PCDHGA1: variants seen among roughly 807,000 people sequenced by gnomAD.
PCDHGA1 encodes the protein protocadherin gamma subfamily A, 1, also known as protocadherin gamma-A1.
PCDHGA1 carries 32 observed loss-of-function variants against 58.0 expected under a neutral mutation model. That is an observed-to-expected ratio of 0.55 (90% CI 0.42 to 0.74). The LOEUF is 0.74. PCDHGA1 is among the 30% of genes least tolerant of loss of function. The pLI is 0.00. For synonymous variants in PCDHGA1, 498 were observed against 501.1 expected, an observed-to-expected ratio of 0.99 and a Z score of 0.08; for missense variants, 1,205 against 1,182.3, an observed-to-expected ratio of 1.02 and a Z score of -0.28.
chr5:141,404,880 T>C, intron 1 of PCDHGA1: 2 of 1,613,896 alleles, frequency 1.2e-6, no homozygotes, highest in Non-Finnish European at 8.5e-7. Flanking sequence ...CAGAGCCTTG[T>C]GGTGGCTGTA....
Position 141,491,456 on chromosome 5 carries a change from C to A in PCDHGA1, c.2422-3351C>A. ...TGCAGGCGCCAGGACTCACCCTCCC[C>A]GGACTTCTATAAGCAGTCCAGCCCC... On this transcript the variant is annotated intron_variant, in intron 1 of 3. Coordinates refer to ENST00000517417, the MANE Select transcript of PCDHGA1 (RefSeq NM_018912.3). The surrounding 1 kb of genome is among the most constrained non-coding windows in gnomAD (Gnocchi z 6.9). 1.2e-6 allele frequency: 2 copies of A among 1,614,104 alleles called. No homozygotes were observed.
chr5:141,356,192 G>GC (rs1165410073), intron 1 of PCDHGA1: 2 of 1,609,924 alleles, frequency 1.2e-6, no homozygotes, highest in African/African-American at 2.7e-5. Flanking sequence ...CGAGCTAGAA[G>GC]CAAGGTACTG....
At chr5:141,387,237 G>A (rs1273049599) in intron 1 of PCDHGA1, among the ~76,000 whole-genome samples, 2 of 152,168 alleles carry the variant, frequency 1.3e-5, no homozygotes, top group African/African-American at 4.8e-5. Flanking sequence ...AAATCAACTT[G>A]GAGGTACTTA....
chr5:141,421,239 G>T (rs773410079), intron 1 of PCDHGA1: 5 of 1,599,000 alleles, frequency 3.1e-6, no homozygotes, highest in Middle Eastern at 3.3e-4. Flanking sequence ...TGGCGAATCG[G>T]CTACAGCGCG....
intron 1 of PCDHGA1, among the ~76,000 whole-genome samples, chr5:141,481,293 TC>T (rs2099535148): frequency 6.6e-6 from 1 of 152,174 alleles, no homozygotes; most frequent in South Asian, 2.1e-4. Context: ...ATTTCAGTCA[TC>T]TAAGGGAAAA....
chr5:141,490,942 C>G lies in PCDHGA1; in HGVS notation c.2422-3865C>G. 1 of 1,613,644 alleles carries G rather than the reference C, an allele frequency of 6.2e-7. No individual in the cohort carries two copies. Among genetic ancestry groups the G allele is most frequent in the Non-Finnish European group, 8.5e-7 (1 of 1,179,760 alleles). On this transcript the variant is annotated intron_variant, in intron 1 of 3. Transcript: ENST00000517417. This position sits in a 1 kb window ranked among gnomAD's most constrained non-coding sequence, Gnocchi z 5.4. ...TAATGCCCCAGCTGTGCTGCACCCA[C>G]GGCCAGACTGGGAACACTCAGCCCC...
rs564439931 is a variant in PCDHGA1 at position 141,490,480 on chromosome 5, C to T, written c.2422-4327C>T. On this transcript the variant is annotated intron_variant, in intron 1 of 3. Coordinates refer to ENST00000517417, the MANE Select transcript of PCDHGA1 (RefSeq NM_018912.3). The surrounding 1 kb of genome is among the most constrained non-coding windows in gnomAD (Gnocchi z 5.4). ...GCTGCTAACCAGCCAGCCTTTGGAC[C>T]GGGAGGCCACATCCCACTATATCAT... The T allele has an allele frequency of 3.5e-5, 56 of 1,614,194 alleles. No individual in the cohort carries two copies. Among genetic ancestry groups the T allele is most frequent in the Admixed American group, 1.5e-4 (9 of 60,022 alleles).
chr5:141,362,634 TCTTTGTC>T, intron 1 of PCDHGA1: 2 of 1,484,528 alleles, frequency 1.3e-6, no homozygotes, highest in Non-Finnish European at 1.8e-6. Context: ...ACTGCGTATT[TCTTTGTC>T]TGTGAGTTAG....
At chr5:141,504,364 G>A (rs764741297) in intron 2 of PCDHGA1, among the ~76,000 whole-genome samples, 2 of 152,116 alleles carry the variant, frequency 1.3e-5, no homozygotes, top group African/African-American at 2.4e-5. Flanking sequence ...GCTTCAGTAG[G>A]AAGCAGGTGG....
intron 1 of PCDHGA1, chr5:141,478,174 G>GA (rs1156842877): frequency 3.7e-6 from 6 of 1,613,692 alleles, no homozygotes; most frequent in South Asian, 1.1e-5. Context: ...CCCGGGAGCA[G>GA]AAAAAAAATC....
chr5:141,414,310 G>C, intron 1 of PCDHGA1: 1 of 1,613,722 alleles, frequency 6.2e-7, no homozygotes, highest in Non-Finnish European at 8.5e-7. Context: ...GCATGATTTA[G>C]ACTCTGAGCA....
chr5:141,458,593 C>T (rs1352799952), intron 1 of PCDHGA1, among the ~76,000 whole-genome samples: 4 of 151,402 alleles, frequency 2.6e-5, no homozygotes, highest in Non-Finnish European at 5.9e-5. Flanking sequence ...GTTTTGGAGA[C>T]GAGTCTCACT....
chr5:141,339,387 A>G, intron 1 of PCDHGA1: 1 of 1,614,222 alleles, frequency 6.2e-7, no homozygotes, highest in Non-Finnish European at 8.5e-7. Context: ...GAGGAACTGG[A>G]GCTAAAAATC....
intron 1 of PCDHGA1, among the ~76,000 whole-genome samples, chr5:141,464,444 T>C (rs2099084887): frequency 6.6e-6 from 1 of 151,634 alleles, no homozygotes; most frequent in East Asian, 1.9e-4. Context: ...TGTTTGTTGT[T>C]GTTGTTGTTA....
At chr5:141,345,613 A>T in intron 1 of PCDHGA1, 2 of 1,614,080 alleles carry the variant, frequency 1.2e-6, no homozygotes, top group Non-Finnish European at 8.5e-7. Context: ...CAATTTAGAG[A>T]CTTAAAGCTA....
At chr5:141,360,632 C>T (rs1367186780) in intron 1 of PCDHGA1, 1 of 1,613,902 alleles carries the variant, frequency 6.2e-7, no homozygotes, top group Admixed American at 1.7e-5. Context: ...GGTCCTAACT[C>T]ACTACAAAGA....
At chr5:141,417,982 G>A (rs756382601) in intron 1 of PCDHGA1, 4 of 1,613,886 alleles carry the variant, frequency 2.5e-6, no homozygotes, top group Admixed American at 3.3e-5. Flanking sequence ...CGGAGGAGCT[G>A]GCCAAGGGCT....
intron 1 of PCDHGA1, chr5:141,388,970 A>G (rs1561622326): frequency 6.2e-7 from 1 of 1,613,928 alleles, no homozygotes; most frequent in East Asian, 2.2e-5. Flanking sequence ...AGCTGGGAAC[A>G]CATATTGCTT....
rs2099634686 is a variant in PCDHGA1 at position 141,486,772 on chromosome 5, T to G, written c.2422-8035T>G. 1 of 1,614,246 alleles carries G rather than the reference T, an allele frequency of 6.2e-7. No individual in the cohort carries two copies. The highest frequency in any genetic ancestry group is 8.5e-7 in the Non-Finnish European group (1 of 1,180,042). Reference sequence around the variant, plus strand: ...ATGAGCAAACCCAGACACTGCAGTTTGAGGTGCAGGCCCGGGATCGGGGCA... The same window carrying G: ...ATGAGCAAACCCAGACACTGCAGTTGGAGGTGCAGGCCCGGGATCGGGGCA... On this transcript the variant is annotated intron_variant, in intron 1 of 3. Coordinates refer to ENST00000517417, the MANE Select transcript of PCDHGA1 (RefSeq NM_018912.3). This position sits in a 1 kb window ranked among gnomAD's most constrained non-coding sequence, Gnocchi z 5.0.
Sources: gnomAD v4.1 joint callset for allele counts (sites outside exome capture counted in the v4.1 genomes callset) on GRCh38, gnomAD v4.1.1 for gene constraint, Gnocchi (gnomAD v3.1) non-coding constraint, MANE v1.5 for transcripts, NCBI Gene and HGNC (gene_info 2026-07-23, HGNC 2026-07-21) for gene names.